Variants in SLC22A15 observed in about 807,000 individuals in gnomAD.
The protein encoded by SLC22A15 is solute carrier family 22 member 15, also known as flipt 1.
In SLC22A15, 45 loss-of-function variants were observed where a neutral mutation model predicts 62.7. That is an observed-to-expected ratio of 0.72 (90% CI 0.56 to 0.92). The LOEUF is 0.92. Ranked by LOEUF, SLC22A15 falls within the 40% of genes least tolerant of loss-of-function variation. SLC22A15 has a pLI of 0.00. For synonymous variants in SLC22A15, 264 were observed against 267.0 expected, an observed-to-expected ratio of 0.99 and a Z score of 0.11; for missense variants, 622 against 665.6, an observed-to-expected ratio of 0.93 and a Z score of 0.72.
intron 2 of SLC22A15, among the ~76,000 whole-genome samples, chr1:115,993,391 C>T (rs1330930250): frequency 6.6e-6 from 1 of 151,508 alleles, no homozygotes; most frequent in African/African-American, 2.4e-5. Flanking sequence ...ACCACTCCTT[C>T]CTGGAAGCCA....
intron 8 of SLC22A15, among the ~76,000 whole-genome samples, chr1:116,060,787 T>C (rs1451831669): frequency 6.6e-6 from 1 of 152,192 alleles, no homozygotes; most frequent in Non-Finnish European, 1.5e-5. Flanking sequence ...AAAGACATGA[T>C]TCTTTATCAG....
rs529977718 is a variant in SLC22A15 at position 116,021,908 on chromosome 1, C to G, written c.598+1023C>G. ...CATCTTCCACTGTTCCCCAAAGACT[C>G]TCCTCTTGGAACTTCAGCATGTCAC... is the stretch of plus-strand genomic sequence containing the variant. On this transcript the variant is annotated intron_variant, in intron 4 of 11. Coordinates refer to ENST00000369503, the MANE Select transcript of SLC22A15 (RefSeq NM_018420.3). 5.3e-5 allele frequency among the ~76,000 whole-genome samples: 8 copies of G among 152,328 alleles called. No homozygotes were observed. In the East Asian group the frequency reaches 1.5e-3, roughly 29 times the overall value.
chr1:116,048,961 A>G (rs1048495276), intron 8 of SLC22A15, among the ~76,000 whole-genome samples: 2 of 152,220 alleles, frequency 1.3e-5, no homozygotes, highest in African/African-American at 4.8e-5. Flanking sequence ...TTCTTATATC[A>G]GACAAAACAA....
chr1:115,988,180 A>T (rs1315040183), intron 1 of SLC22A15, among the ~76,000 whole-genome samples: 1 of 152,042 alleles, frequency 6.6e-6, no homozygotes, highest in African/African-American at 2.4e-5. Context: ...TTTATTTGAG[A>T]TGTTGTTATT....
chr1:116,058,752 A>G (rs971286923), intron 8 of SLC22A15, among the ~76,000 whole-genome samples: 1 of 152,184 alleles, frequency 6.6e-6, no homozygotes, highest in East Asian at 1.9e-4. Context: ...TAAAGACACC[A>G]TGGTATATAT....
intron 8 of SLC22A15, among the ~76,000 whole-genome samples, chr1:116,060,450 G>A (rs1349409966): frequency 6.6e-6 from 1 of 152,142 alleles, no homozygotes; most frequent in Non-Finnish European, 1.5e-5. Context: ...GATCTTGTGG[G>A]TATTAAGAAG....
chr1:115,982,652 C>A (rs898715993), intron 1 of SLC22A15, among the ~76,000 whole-genome samples: 8 of 152,160 alleles, frequency 5.3e-5, no homozygotes, highest in African/African-American at 1.9e-4. Flanking sequence ...CTGTTCTGAC[C>A]TTTACTTCTT....
chr1:116,024,205 G>A (rs1656981008), intron 4 of SLC22A15, among the ~76,000 whole-genome samples: 1 of 152,220 alleles, frequency 6.6e-6, no homozygotes, highest in Non-Finnish European at 1.5e-5. Flanking sequence ...GGAGAAGAAA[G>A]AGGATGTGTC....
At chr1:115,986,427 A>G (rs1654867550) in intron 1 of SLC22A15, among the ~76,000 whole-genome samples, 1 of 152,316 alleles carries the variant, frequency 6.6e-6, no homozygotes, top group South Asian at 2.1e-4. Flanking sequence ...AATGATACAA[A>G]GCAATATTTC....
At chr1:116,057,754 G>A (rs895154948) in intron 8 of SLC22A15, among the ~76,000 whole-genome samples, 1 of 152,154 alleles carries the variant, frequency 6.6e-6, no homozygotes, top group Admixed American at 6.5e-5. Context: ...CATGTCCTTT[G>A]TAGGGACATG....
At chr1:115,989,218 A>G (rs1050256903) in intron 1 of SLC22A15, among the ~76,000 whole-genome samples, 3 of 152,048 alleles carry the variant, frequency 2.0e-5, no homozygotes, top group Admixed American at 2.0e-4. Context: ...AGAAAAGTGG[A>G]AAGTGCTTAT....
intron 2 of SLC22A15, among the ~76,000 whole-genome samples, chr1:116,012,035 A>G (rs1441759056): frequency 6.6e-6 from 1 of 152,174 alleles, no homozygotes; most frequent in East Asian, 1.9e-4. Flanking sequence ...GTGGGAGGGA[A>G]ATGACCCACT....
chr1:116,022,074 G>A (rs558261626), intron 4 of SLC22A15, among the ~76,000 whole-genome samples: 1 of 152,194 alleles, frequency 6.6e-6, no homozygotes, highest in Non-Finnish European at 1.5e-5. Flanking sequence ...CTAAACAGCT[G>A]TCGAGTGGAA....
chr1:116,011,732 C>A (rs560128965), intron 2 of SLC22A15, among the ~76,000 whole-genome samples: 23 of 151,456 alleles, frequency 1.5e-4, no homozygotes, highest in Non-Finnish European at 2.9e-5. Flanking sequence ...GTAAGTCAGA[C>A]GAGACTTAAG....
intron 8 of SLC22A15, among the ~76,000 whole-genome samples, chr1:116,052,668 G>A (rs999212450): frequency 6.6e-6 from 1 of 152,214 alleles, no homozygotes; most frequent in African/African-American, 2.4e-5. Context: ...AGTGGGGGCA[G>A]ACTGACACCT....
intron 1 of SLC22A15, among the ~76,000 whole-genome samples, chr1:115,985,013 A>G (rs1276062141): frequency 1.3e-5 from 2 of 152,186 alleles, no homozygotes; most frequent in African/African-American, 2.4e-5. Context: ...AAGTTTAATT[A>G]TTATTGGAGA....
chr1:116,047,150 C>T (rs563430224), intron 8 of SLC22A15, among the ~76,000 whole-genome samples: 7 of 152,252 alleles, frequency 4.6e-5, no homozygotes, highest in East Asian at 1.9e-4. Context: ...AAAAACTGGC[C>T]GCGCACAGTG....
chr1:115,989,915 T>C (rs1295108135), intron 1 of SLC22A15, among the ~76,000 whole-genome samples: 2 of 152,194 alleles, frequency 1.3e-5, no homozygotes, highest in African/African-American at 4.8e-5. Context: ...ACATGTTGAG[T>C]GTGTAGGCCC....
intron 8 of SLC22A15, among the ~76,000 whole-genome samples, chr1:116,039,786 T>C (rs1657733525): frequency 1.3e-5 from 2 of 152,172 alleles, no homozygotes; most frequent in Admixed American, 6.5e-5. Context: ...AGATAAATAG[T>C]AATTGTTCTT....
Sources: allele counts gnomAD v4.1 joint callset (sites outside exome capture counted in the v4.1 genomes callset), GRCh38; gene constraint gnomAD v4.1.1; transcripts MANE v1.5; gene names NCBI Gene and HGNC (gene_info 2026-07-23, HGNC 2026-07-21).